The following AP1M2 variants were observed in gnomAD, a reference collection of about 807,000 sequenced individuals.
AP1M2 encodes the protein adaptor related protein complex 1 subunit mu 2, also known as AP-1 complex subunit mu-2.
Under a neutral mutation model 54.6 loss-of-function variants are expected in AP1M2, and 41 were observed. The observed-to-expected ratio is 0.75, with a 90% CI of 0.59 to 0.97. The LOEUF is 0.97. AP1M2 is among the 50% of genes least tolerant of loss of function. AP1M2 has a pLI of 0.00. For missense variants in AP1M2, 507 were observed against 561.2 expected (o/e 0.90, Z 0.98); for synonymous variants, 219 against 215.9 (o/e 1.01, Z -0.13).
rs1917615817 is a variant in AP1M2, at chr19:10,585,319, G to GAAAGAAAGAAAGAA, written c.43-1263_43-1250dup. On this transcript the variant is annotated intron_variant, in intron 1 of 11. Coordinates refer to ENST00000250244, the MANE Select transcript of AP1M2 (RefSeq NM_005498.5). Reference sequence around the variant, plus strand: ...AGAAAGAAAGAAAGAAAGAAAGAAAGAAAGAAAGAAAGAAAGAAAGAAAGA... The same window carrying GAAAGAAAGAAAGAA: ...AGAAAGAAAGAAAGAAAGAAAGAAAGAAAGAAAGAAAGAAAAAGAAAGAAAGAAAGAAAGAAAGA... 6.4e-5 allele frequency among the ~76,000 whole-genome samples: 9 copies of GAAAGAAAGAAAGAA among 140,796 alleles called. No individual in the cohort carries two copies. The South Asian group carries it at 1.9e-3, about 30-fold the overall frequency. The allele number at this position is 140,796 out of a possible 152,430, so 92.4% of individuals were successfully genotyped here.
At chr19:10,580,998 A>G (rs1361525344) in intron 6 of AP1M2, among the ~76,000 whole-genome samples, 2 of 152,170 alleles carry the variant, frequency 1.3e-5, no homozygotes, top group Non-Finnish European at 2.9e-5. Context: ...TCCTCCTCCC[A>G]GTAGGATGTC....
Position 10,581,366 on chromosome 19 carries a change from CAGA to C in AP1M2, c.570_572del (p.Leu191del), listed in dbSNP as rs752870372. The C allele has an allele frequency of 5.6e-6, 9 of 1,612,712 alleles. No individual in the cohort carries two copies. Among genetic ancestry groups the C allele is most frequent in the Admixed American group, 3.3e-5 (2 of 59,924 alleles). Reference sequence around the variant, plus strand: ...GCTTGATGGTACCGACGATTTCGCTCAGAAGGACGCTGCCGTTGGCATTGACCT... The same window carrying C: ...GCTTGATGGTACCGACGATTTCGCTCAGGACGCTGCCGTTGGCATTGACCT... On this transcript the variant is annotated inframe_deletion, in exon 6 of 12. Transcript: ENST00000250244.
At chr19:10,583,481 A>G (rs1215531978) in intron 3 of AP1M2, 125 bp downstream of exon 3, 4 of 722,706 alleles carry the variant, frequency 5.5e-6, no homozygotes, top group African/African-American at 1.8e-5. Context: ...CCAGAAAAAA[A>G]AAAAAGGGAA....
chr19:10,577,520 G>A (rs1418248428), intron 8 of AP1M2, among the ~76,000 whole-genome samples, 164 bp from the exon 9 acceptor site: 4 of 124,270 alleles, frequency 3.2e-5, no homozygotes, highest in Non-Finnish European at 4.7e-5. Flanking sequence ...TGTAAGCTCC[G>A]CCTCCCAGGT....
Position 10,581,380 on chromosome 19 carries a change from C to A in AP1M2, c.559G>T (p.Gly187Cys), listed in dbSNP as rs746592679. ...ESVNLLVNAN[G>C]SVLLSEIVGT... ...ACGATTTCGCTCAGAAGGACGCTGC[C>A]GTTGGCATTGACCTGAGGGAGGACG... The change falls in exon 6 of 12, where the codon GGC becomes TGC. Residue 187 changes from glycine to cysteine, a missense_variant. Transcript: ENST00000250244. 6.2e-7 allele frequency: 1 copy of A among 1,612,056 alleles called. No individual in the cohort carries two copies. The highest frequency in any genetic ancestry group is 8.5e-7 in the Non-Finnish European group (1 of 1,178,440).
intron 11 of AP1M2, among the ~76,000 whole-genome samples, chr19:10,573,747 G>T (rs1917135440): frequency 7.3e-6 from 1 of 136,302 alleles, no homozygotes; most frequent in Admixed American, 8.3e-5. Flanking sequence ...CTACAGCCTC[G>T]ACCTCCTGGG....
chr19:10,579,162 A>G (rs2144761175), intron 7 of AP1M2, among the ~76,000 whole-genome samples, 199 bp from the exon 8 acceptor site: 1 of 151,794 alleles, frequency 6.6e-6, no homozygotes, highest in Non-Finnish European at 1.5e-5. Flanking sequence ...CACGCCTGTA[A>G]TCCCAGCACT....
chr19:10,581,878 C>G lies in AP1M2; in HGVS notation c.268G>C (p.Val90Leu). The G allele has an allele frequency of 1.2e-6, 2 of 1,606,116 alleles. No homozygotes were observed. Among genetic ancestry groups the G allele is most frequent in the Non-Finnish European group, 1.7e-6 (2 of 1,176,292 alleles). The change falls in exon 4 of 12, where the codon GTA (valine) becomes CTA (leucine). Residue 90 changes from valine (V) to leucine (L), a missense_variant and splice_region_variant. Coordinates refer to ENST00000250244, the MANE Select transcript of AP1M2 (RefSeq NM_005498.5). ...AGCTCCTTGAAGTATTCGCAGAATACCTGGGGGTTGGAGGAGAGAGAGACC... is the reference window on the plus strand; with the variant it reads ...AGCTCCTTGAAGTATTCGCAGAATAGCTGGGGGTTGGAGGAGAGAGAGACC... ...VYSFLYKTIE[V>L]FCEYFKELEE...
In AP1M2 at chr19:10,578,903, T is replaced by A; in HGVS notation, c.877A>T (p.Ile293Phe). 6.2e-7 allele frequency: 1 copy of A among 1,607,548 alleles called. No homozygotes were observed. The highest frequency in any genetic ancestry group is 8.5e-7 in the Non-Finnish European group (1 of 1,177,232). ...CCCCCAAGGCCCACCTTGACCATGA[T>A]CTCCACGCGGCTGTGGGAGAACTTC... ...IEKFSHSRVE[I>F]MVKAKGQFKK... The change falls in exon 8 of 12, where the codon ATC (isoleucine) becomes TTC (phenylalanine). Residue 293 changes from isoleucine (I) to phenylalanine (F), a missense_variant. Coordinates refer to ENST00000250244, the MANE Select transcript of AP1M2 (RefSeq NM_005498.5).
chr19:10,581,119 G>T, intron 6 of AP1M2, 147 bp downstream of exon 6: 1 of 1,193,658 alleles, frequency 8.4e-7, no homozygotes, highest in Non-Finnish European at 1.1e-6. Context: ...TTTGCAGTCA[G>T]CCAATGGCTG....
At chr19:10,580,228 T>G (rs1187902441) in intron 6 of AP1M2, among the ~76,000 whole-genome samples, 2 of 152,002 alleles carry the variant, frequency 1.3e-5, no homozygotes, top group African/African-American at 4.8e-5. Context: ...ATTTTGTATT[T>G]TTAGTAGAGA....
At chr19:10,579,666 T>A in intron 7 of AP1M2, 50 bp downstream of exon 7, 1 of 1,569,506 alleles carries the variant, frequency 6.4e-7, no homozygotes, top group Non-Finnish European at 8.6e-7. Context: ...GGGTCGCTCT[T>A]CAGCCTACCC....
intron 1 of AP1M2, among the ~76,000 whole-genome samples, chr19:10,585,331 G>GAA (rs1568434878): frequency 3.3e-5 from 5 of 151,020 alleles, no homozygotes; most frequent in African/African-American, 4.9e-5. Flanking sequence ...AAGAAAGAAA[G>GAA]AAAGAAAGAA....
Position 10,577,348 on chromosome 19 carries a change from C to T in AP1M2, c.897G>A (p.Gly299=). The change falls in exon 9 of 12, where the codon GGG becomes GGA. Residue 299 remains glycine (G), a synonymous_variant. Coordinates refer to ENST00000250244, the MANE Select transcript of AP1M2 (RefSeq NM_005498.5). ...SRVEIMVKAK[G]QFKKQSVANG... ...TGGCCACTGACTGTTTCTTAAACTG[C>T]CCCTTGGCCTGTCAGGGGAGCGAGC... is the stretch of plus-strand genomic sequence containing the variant. 1 of 1,607,662 alleles carries T rather than the reference C, an allele frequency of 6.2e-7. No individual in the cohort carries two copies. The highest frequency in any genetic ancestry group is 8.5e-7 in the Non-Finnish European group (1 of 1,176,822).
At chr19:10,581,186 G>A (rs534662374) in intron 6 of AP1M2, 80 bp downstream of exon 6, 49 of 1,515,266 alleles carry the variant, frequency 3.2e-5, no homozygotes, top group Non-Finnish European at 4.2e-5. Context: ...AACGGGCTGC[G>A]ATTCTCTTAA....
chr19:10,583,461 C>A, intron 3 of AP1M2, 145 bp downstream of exon 3: 2 of 595,710 alleles, frequency 3.4e-6, no homozygotes, highest in South Asian at 2.7e-5. Flanking sequence ...ATAGCAAGAC[C>A]CCATCTCTAC....
intron 7 of AP1M2, 59 bp from the exon 8 acceptor site, chr19:10,579,022 T>C: frequency 7.6e-7 from 1 of 1,307,390 alleles, no homozygotes; most frequent in Non-Finnish European, 1.1e-6. Context: ...CTTCTTTTTT[T>C]TTTTTTTTTT....
intron 7 of AP1M2, 52 bp from the exon 8 acceptor site, chr19:10,579,015 CTTTTT>C (rs749676329): frequency 9.2e-5 from 68 of 743,026 alleles, no homozygotes; most frequent in East Asian, 2.2e-4. Flanking sequence ...TGACTCTCTT[CTTTTT>C]TTTTTTTTTT....
At chr19:10,580,051 T>G (rs1051175909) in intron 6 of AP1M2, among the ~76,000 whole-genome samples, 193 bp from the exon 7 acceptor site, 2 of 144,984 alleles carry the variant, frequency 1.4e-5, no homozygotes, top group Non-Finnish European at 3.0e-5. Context: ...TTGGTTTTTT[T>G]TTTTTTTTTT....
Sources: gnomAD v4.1 joint callset for allele counts (sites outside exome capture counted in the v4.1 genomes callset) on GRCh38, gnomAD v4.1.1 for gene constraint, MANE v1.5 for transcripts, NCBI Gene and HGNC (gene_info 2026-07-23, HGNC 2026-07-21) for gene names.